Variants in SREK1IP1 observed in about 807,000 individuals in gnomAD.
The protein encoded by SREK1IP1 is SREK1 interacting protein 1.
A neutral mutation model predicts 22.8 loss-of-function variants in SREK1IP1; 12 were observed. The ratio of observed to expected loss-of-function variants is 0.53; its 90% CI spans 0.34 to 0.85. The LOEUF is 0.85. Ranked by LOEUF, SREK1IP1 falls within the 40% of genes least tolerant of loss-of-function variation. The probability of loss-of-function intolerance (pLI) is 0.02; values close to 1 mark genes in which losing one functional copy is unlikely to be tolerated. For missense variants in SREK1IP1, 147 were observed against 171.8 expected, an observed-to-expected ratio of 0.86 and a Z score of 0.81; for synonymous variants, 53 against 52.7, an observed-to-expected ratio of 1.01 and a Z score of -0.02.
chr5:64,743,220 T>C (rs2112098650), intron 2 of SREK1IP1, among the ~76,000 whole-genome samples: 1 of 152,300 alleles, frequency 6.6e-6, no homozygotes, highest in Middle Eastern at 3.4e-3. Flanking sequence ...CTGTTCCTTG[T>C]CAATGTTTAG....
intron 4 of SREK1IP1, among the ~76,000 whole-genome samples, chr5:64,724,839 T>C (rs1016030584): frequency 3.3e-5 from 5 of 152,184 alleles, no homozygotes; most frequent in African/African-American, 9.6e-5. Flanking sequence ...AAATTATTTT[T>C]CTGTGATTTT....
intron 3 of SREK1IP1, among the ~76,000 whole-genome samples, chr5:64,738,040 T>C (rs1409325111): frequency 6.6e-6 from 1 of 152,160 alleles, no homozygotes; most frequent in Non-Finnish European, 1.5e-5. Context: ...TCTAAAGAAC[T>C]GGAGAGAAGA....
rs577186173 is a variant in SREK1IP1 at position 64,760,756 on chromosome 5, T to C, written c.14-6394A>G. 3.2e-3 allele frequency among the ~76,000 whole-genome samples: 494 copies of C among 152,364 alleles called. 2 individuals carry two copies. Among genetic ancestry groups the C allele is most frequent in the Middle Eastern group, 0.017 (5 of 294 alleles). ...TTTCTCTAAATAAATCTGTCCTGACTGGCGAGCCATCTTTTCATGTTTCTT... is the reference window on the plus strand; with the variant it reads ...TTTCTCTAAATAAATCTGTCCTGACCGGCGAGCCATCTTTTCATGTTTCTT... On this transcript the variant is annotated intron_variant, in intron 1 of 4. Transcript: ENST00000513458.
At position 64,720,910 on chromosome 5, in the gene SREK1IP1, A is replaced by G. The variant is rs1742151839; in HGVS notation, c.*3474T>C. 6.6e-6 allele frequency: 1 copy of G among 152,252 alleles called. No homozygotes were observed. Among genetic ancestry groups the G allele is most frequent in the African/African-American group, 2.4e-5 (1 of 41,456 alleles). 9.4% of individuals were successfully genotyped at this position (152,252 alleles called of 1,614,324 possible). A position where few individuals can be genotyped will look rare whatever the true frequency, so the allele number is the denominator to read the frequency against. On this transcript the variant is annotated 3_prime_UTR_variant, in exon 5 of 5. Transcript: ENST00000513458. ...TTCCTCCTGTTCCTAAGAACTTAAAATGGTAGTCTCAATTCTTACCACTTC... is the reference window on the plus strand; with the variant it reads ...TTCCTCCTGTTCCTAAGAACTTAAAGTGGTAGTCTCAATTCTTACCACTTC...
intron 1 of SREK1IP1, among the ~76,000 whole-genome samples, chr5:64,758,740 C>T (rs1414674074): frequency 6.6e-6 from 1 of 152,156 alleles, no homozygotes; most frequent in Non-Finnish European, 1.5e-5. Context: ...TGACAAAAGG[C>T]ACTGATAAAT....
chr5:64,752,145 T>TG (rs1742755664), intron 2 of SREK1IP1, among the ~76,000 whole-genome samples: 1 of 78,162 alleles, frequency 1.3e-5, no homozygotes, highest in Admixed American at 1.5e-4. Context: ...TTTTTTTGTG[T>TG]GTTTTTTTTT....
Position 64,724,278 on chromosome 5 carries a change from A to G in SREK1IP1, c.*106T>C, listed in dbSNP as rs1742224483. ...AAATACGAAAAATGTCTATATGGAA[A>G]AGGCTGTGATTTATTGCAAAGCATA... On this transcript the variant is annotated 3_prime_UTR_variant, in exon 5 of 5. Transcript: ENST00000513458. 2.0e-6 allele frequency: 2 copies of G among 985,642 alleles called. No homozygotes were observed. Among genetic ancestry groups the G allele is most frequent in the African/African-American group, 3.3e-5 (2 of 60,226 alleles). The allele number at this position is 985,642 out of a possible 1,614,324, so 61.1% of individuals were successfully genotyped here. A position where few individuals can be genotyped will look rare whatever the true frequency, so the allele number is the denominator to read the frequency against.
At chr5:64,768,374 A>G in intron 1 of SREK1IP1, 131 bp downstream of exon 1, 1 of 1,193,538 alleles carries the variant, frequency 8.4e-7, no homozygotes. Context: ...TGTAAACAAA[A>G]CAAACCTGTG....
At chr5:64,726,456 G>A (rs1159313432) in intron 4 of SREK1IP1, among the ~76,000 whole-genome samples, 1 of 151,514 alleles carries the variant, frequency 6.6e-6, no homozygotes, top group African/African-American at 2.4e-5. Flanking sequence ...GGCACCTGTA[G>A]TCCCAGCTAC....
chr5:64,745,552 G>A (rs568252415), intron 2 of SREK1IP1, among the ~76,000 whole-genome samples: 120 of 151,194 alleles, frequency 7.9e-4, no homozygotes, highest in African/African-American at 2.8e-3. Flanking sequence ...TTGTGCCACT[G>A]CACTCCAGCC....
chr5:64,728,724 T>C (rs16893092), intron 3 of SREK1IP1, among the ~76,000 whole-genome samples: 6,511 of 152,284 alleles, frequency 0.043, 396 homozygotes, highest in African/African-American at 0.13. Context: ...AGCTTTTTTT[T>C]CACTTAACAT....
chr5:64,753,025 G>A (rs959115113), intron 2 of SREK1IP1, among the ~76,000 whole-genome samples: 4 of 152,116 alleles, frequency 2.6e-5, no homozygotes, highest in Non-Finnish European at 5.9e-5. Flanking sequence ...TGCTGACTTG[G>A]CTTCTCCTAA....
chr5:64,725,058 T>C (rs1352106656), intron 4 of SREK1IP1, among the ~76,000 whole-genome samples: 1 of 152,182 alleles, frequency 6.6e-6, no homozygotes, highest in Non-Finnish European at 1.5e-5. Flanking sequence ...AAAAGCACTT[T>C]TGGTAATTCT....
intron 1 of SREK1IP1, among the ~76,000 whole-genome samples, chr5:64,764,432 G>A (rs764205829): frequency 3.4e-4 from 51 of 152,168 alleles, no homozygotes; most frequent in Non-Finnish European, 8.8e-5. Flanking sequence ...ACAAAGGCTC[G>A]TAGGTAGGAA....
chr5:64,747,524 G>C (rs770026879), intron 2 of SREK1IP1, among the ~76,000 whole-genome samples: 1 of 152,134 alleles, frequency 6.6e-6, no homozygotes, highest in Non-Finnish European at 1.5e-5. Flanking sequence ...ATCATAAATG[G>C]CTATTTTTTA....
intron 1 of SREK1IP1, among the ~76,000 whole-genome samples, chr5:64,755,195 C>T (rs1194592530): frequency 6.7e-6 from 1 of 148,188 alleles, no homozygotes; most frequent in African/African-American, 2.5e-5. Context: ...TTCGACCCAG[C>T]AATTCCATTA....
intron 1 of SREK1IP1, 79 bp from the exon 2 acceptor site, chr5:64,754,441 A>T: frequency 7.2e-7 from 1 of 1,383,292 alleles, no homozygotes. Flanking sequence ...GAAAAAAGCT[A>T]AGAAAAACCA....
Position 64,723,374 on chromosome 5 carries a change from G to C in SREK1IP1, c.*1010C>G, listed in dbSNP as rs547928820. Reference sequence around the variant, plus strand: ...TCCCAAACTGGTCATTTATGAAAACGTTAAGTTCAGTGTGAAACTTGCTTT... The same window carrying C: ...TCCCAAACTGGTCATTTATGAAAACCTTAAGTTCAGTGTGAAACTTGCTTT... On this transcript the variant is annotated 3_prime_UTR_variant, in exon 5 of 5. Transcript: ENST00000513458. 3 of 133,906 alleles carry C rather than the reference G, an allele frequency of 2.2e-5. No individual in the cohort carries two copies. Among genetic ancestry groups the C allele is most frequent in the Admixed American group, 2.1e-4 (3 of 14,622 alleles). The allele number at this position is 133,906 out of a possible 1,614,324, so 8.3% of individuals were successfully genotyped here. A position where few individuals can be genotyped will look rare whatever the true frequency, so the allele number is the denominator to read the frequency against.
chr5:64,755,819 A>G (rs2112109620), intron 1 of SREK1IP1, among the ~76,000 whole-genome samples: 1 of 152,068 alleles, frequency 6.6e-6, no homozygotes, highest in South Asian at 2.1e-4. Context: ...TGTCCCTCAA[A>G]TGTAAAATAA....
Sources: allele counts gnomAD v4.1 joint callset (sites outside exome capture counted in the v4.1 genomes callset), GRCh38; gene constraint gnomAD v4.1.1; transcripts MANE v1.5; gene names NCBI Gene and HGNC (gene_info 2026-07-23, HGNC 2026-07-21).